The following GRID2 variants were observed in gnomAD, a reference collection of about 807,000 sequenced individuals.
GRID2 encodes glutamate ionotropic receptor delta type subunit 2, also known as glutamate receptor ionotropic, delta-2.
GRID2 carries 33 observed loss-of-function variants against 114.8 expected under a neutral mutation model. That is an observed-to-expected ratio of 0.29 (90% CI 0.22 to 0.38). The LOEUF (loss-of-function observed/expected upper bound fraction) is 0.38, where lower values mean the gene tolerates loss of function less well. Ranked by LOEUF, GRID2 falls within the 10% of genes least tolerant of loss-of-function variation. GRID2 has a pLI of 1.00. For missense variants in GRID2, 1,184 were observed against 1,257.7 expected (o/e 0.94, Z 0.89); for synonymous variants, 505 against 449.9 (o/e 1.12, Z -1.55).
intron 14 of GRID2, among the ~76,000 whole-genome samples, chr4:93,744,746 C>G (rs143450573): frequency 6.6e-6 from 1 of 152,188 alleles, no homozygotes; most frequent in South Asian, 2.1e-4. Context: ...AGACATTCTA[C>G]TGTGGATAAA....
intron 2 of GRID2, among the ~76,000 whole-genome samples, chr4:92,692,756 C>G (rs1734235378): frequency 6.6e-6 from 1 of 152,096 alleles, no homozygotes. Context: ...GACACAGTGG[C>G]TCACACCTGT....
intron 2 of GRID2, among the ~76,000 whole-genome samples, chr4:92,666,650 G>GTTTT (rs70942922): frequency 8.6e-4 from 59 of 68,464 alleles, no homozygotes; most frequent in South Asian, 1.1e-3. Context: ...CTTAAGGGTT[G>GTTTT]TTTTTTTTTT....
intron 2 of GRID2, among the ~76,000 whole-genome samples, chr4:92,778,040 A>G (rs1392441793): frequency 2.0e-5 from 3 of 152,052 alleles, no homozygotes; most frequent in Non-Finnish European, 4.4e-5. Flanking sequence ...TGCCACTAGG[A>G]TCACAGGTAT....
intron 4 of GRID2, among the ~76,000 whole-genome samples, chr4:93,176,601 G>T (rs1405447907): frequency 6.6e-6 from 1 of 152,014 alleles, no homozygotes; most frequent in African/African-American, 2.4e-5. Flanking sequence ...GGATGTAACC[G>T]TAGTGTATCT....
intron 1 of GRID2, among the ~76,000 whole-genome samples, chr4:92,371,475 A>G (rs970187480): frequency 2.0e-5 from 3 of 152,232 alleles, no homozygotes; most frequent in African/African-American, 7.2e-5. Context: ...GGGTCTTAAG[A>G]ATTATGGTAA....
intron 2 of GRID2, among the ~76,000 whole-genome samples, chr4:92,937,234 T>C (rs1750741383): frequency 6.8e-6 from 1 of 146,778 alleles, no homozygotes; most frequent in Non-Finnish European, 1.5e-5. Flanking sequence ...TTGCTCATAC[T>C]TTCGGTGTCA....
intron 1 of GRID2, among the ~76,000 whole-genome samples, chr4:92,520,635 A>C (rs1222761094): frequency 6.6e-6 from 1 of 151,898 alleles, no homozygotes; most frequent in African/African-American, 2.4e-5. Flanking sequence ...TCTCCTACAG[A>C]TGCACTCTTT....
chr4:92,334,259 T>G (rs577529231), intron 1 of GRID2, among the ~76,000 whole-genome samples: 1 of 152,292 alleles, frequency 6.6e-6, no homozygotes, highest in Non-Finnish European at 1.5e-5. Context: ...CCTAAGAAGA[T>G]TTAGGCTCTT....
intron 1 of GRID2, among the ~76,000 whole-genome samples, chr4:92,494,790 A>T (rs373351616): frequency 1.4e-4 from 22 of 152,160 alleles, no homozygotes; most frequent in African/African-American, 4.6e-4. Context: ...GGGGCTATGT[A>T]CACAGTAGCC....
intron 2 of GRID2, among the ~76,000 whole-genome samples, chr4:92,955,145 T>C (rs1414293311): frequency 1.6e-5 from 2 of 125,152 alleles, no homozygotes; most frequent in African/African-American, 6.6e-5. Flanking sequence ...ATGGGATGGC[T>C]GGGTCAAATG....
At chr4:93,407,126 C>G (rs7655758) in intron 9 of GRID2, among the ~76,000 whole-genome samples, 34,072 of 152,018 alleles carry the variant, frequency 0.22, 5,382 homozygotes, top group African/African-American at 0.44. Context: ...CTAACTGGAA[C>G]TTGGATTCTT....
At chr4:92,889,097 C>G (rs1746568297) in intron 2 of GRID2, among the ~76,000 whole-genome samples, 1 of 151,988 alleles carries the variant, frequency 6.6e-6, no homozygotes, top group Non-Finnish European at 1.5e-5. Context: ...CTTTGTCACT[C>G]CCTTAGGAAA....
chr4:92,855,004 A>G (rs1744078387), intron 2 of GRID2, among the ~76,000 whole-genome samples: 1 of 152,086 alleles, frequency 6.6e-6, no homozygotes, highest in African/African-American at 2.4e-5. Flanking sequence ...TCACCAAACT[A>G]GTTTTATTCA....
At chr4:92,626,934 C>T (rs1001885256) in intron 2 of GRID2, among the ~76,000 whole-genome samples, 2 of 151,952 alleles carry the variant, frequency 1.3e-5, no homozygotes, top group East Asian at 3.9e-4. Flanking sequence ...CAGCCAGAAT[C>T]AGGAGAAAAG....
intron 2 of GRID2, among the ~76,000 whole-genome samples, chr4:92,780,719 C>G (rs1429421972): frequency 6.6e-6 from 1 of 152,032 alleles, no homozygotes; most frequent in African/African-American, 2.4e-5. Flanking sequence ...GGTAAGCCCT[C>G]TCTTCAAGGT....
chr4:92,833,472 G>T (rs1323108647), intron 2 of GRID2, among the ~76,000 whole-genome samples: 1 of 152,132 alleles, frequency 6.6e-6, no homozygotes, highest in Non-Finnish European at 1.5e-5. Flanking sequence ...TTGCCCTATA[G>T]CTCAGGAATG....
chr4:93,549,200 C>T (rs1733529149), intron 13 of GRID2, among the ~76,000 whole-genome samples: 1 of 152,132 alleles, frequency 6.6e-6, no homozygotes, highest in South Asian at 2.1e-4. Flanking sequence ...ACCAAGATCG[C>T]ACTATTTTTA....
Position 93,278,039 on chromosome 4 carries a change from C to T in GRID2, c.1245+39549C>T, listed in dbSNP as rs146587613. Among the ~76,000 whole-genome samples, 153 of 151,976 alleles carry T rather than the reference C, an allele frequency of 1.0e-3. 2 individuals are homozygous for T. The highest frequency in any genetic ancestry group is 3.3e-3 in the African/African-American group (139 of 41,502). On this transcript the variant is annotated intron_variant, in intron 8 of 15. Transcript: ENST00000282020. ...GGGTATGGAGGTGAAAATGTGATTG[C>T]ATCTGAAGAAAATGAGCAGATAAAT...
intron 8 of GRID2, among the ~76,000 whole-genome samples, chr4:93,244,793 C>G (rs1028008209): frequency 2.0e-5 from 3 of 151,368 alleles, no homozygotes; most frequent in Non-Finnish European, 4.4e-5. Flanking sequence ...AAATATTGCA[C>G]TTGTATTCAG....
Sources: allele counts gnomAD v4.1 joint callset (sites outside exome capture counted in the v4.1 genomes callset), GRCh38; gene constraint gnomAD v4.1.1; transcripts MANE v1.5; gene names NCBI Gene and HGNC (gene_info 2026-07-23, HGNC 2026-07-21).